CACNA1F: variants seen among roughly 807,000 people sequenced by gnomAD.
CACNA1F encodes voltage-dependent L-type calcium channel subunit alpha-1F.
In CACNA1F, 59 loss-of-function variants were observed where a neutral mutation model predicts 143.8. That is an observed-to-expected ratio of 0.41 (90% CI 0.33 to 0.51). The LOEUF is 0.51. Among genes scored for constraint, CACNA1F ranks in the 20% least tolerant of loss-of-function variants. CACNA1F has a pLI of 0.22. For synonymous variants in CACNA1F, 643 were observed against 649.1 expected (o/e 0.99, Z 0.14); for missense variants, 1,411 against 1,647.5 (o/e 0.86, Z 2.48).
rs1169062959 is a variant in CACNA1F at position 49,215,221 on chromosome X, G to A, written c.3462C>T (p.Leu1154=). Reference sequence around the variant, plus strand: ...TGTAACGGCGGAGTGGCTGGGCCTTGAGGGCATATTCCACACATTGACGCT... The same window carrying A: ...TGTAACGGCGGAGTGGCTGGGCCTTAAGGGCATATTCCACACATTGACGCT... The part of the protein sequence containing the change: ...KNQRQCVEYA[L]KAQPLRRYIP... The change falls in exon 29 of 48, where the codon CTC becomes CTT. Residue 1154 remains leucine (L), a synonymous_variant. Coordinates refer to ENST00000323022, the MANE Select transcript of CACNA1F (RefSeq NM_001256789.3). 1 of 1,210,859 alleles carries A rather than the reference G, an allele frequency of 8.3e-7. No individual in the cohort carries two copies. Among genetic ancestry groups the A allele is most frequent in the African/African-American group, 1.7e-5 (1 of 57,560 alleles).
intron 16 of CACNA1F, 52 bp from the exon 17 acceptor site, chrX:49,222,655 AC>A: frequency 8.3e-7 from 1 of 1,206,905 alleles, no homozygotes; most frequent in Non-Finnish European, 1.1e-6. Context: ...CCTATAGACC[AC>A]CCAGTTCCCC....
intron 7 of CACNA1F, 54 bp from the exon 8 acceptor site, chrX:49,228,193 G>A: frequency 8.4e-7 from 1 of 1,185,115 alleles, no homozygotes; most frequent in Non-Finnish European, 1.1e-6. Context: ...TCCTGCGTGA[G>A]TGTCAGGGAG....
In CACNA1F at chrX:49,224,903, A is replaced by C; in HGVS notation, c.1735T>G (p.Ser579Ala). The change falls in exon 14 of 48, where the codon TCT (serine) becomes GCT (alanine). Residue 579 changes from serine (S) to alanine (A), a missense_variant. Around this residue, in one of 3 missense-constraint regions of CACNA1F, gnomAD observed 950 missense variants for 1,128.1 expected, o/e 0.84. Coordinates refer to ENST00000323022, the MANE Select transcript of CACNA1F (RefSeq NM_001256789.3). ...LYGLGPSAYV[S>A]SFFNRFDCFV... ...CAGTCAAAGCGGTTGAAGAAGGAAG[A>C]CACATAGGCAGAGGGGCCCAGACCG... The C allele has an allele frequency of 1.7e-6, 2 of 1,207,824 alleles. No homozygotes were observed. The highest frequency in any genetic ancestry group is 2.2e-6 in the Non-Finnish European group (2 of 892,351).
chrX:49,225,800 G>A (rs969257915), intron 13 of CACNA1F, 109 bp downstream of exon 13: 2 of 561,654 alleles, frequency 3.6e-6, no homozygotes, highest in East Asian at 3.6e-5. Context: ...TTGGGTAGGG[G>A]GGAAGGCAGT....
intron 37 of CACNA1F, 77 bp from the exon 38 acceptor site, chrX:49,210,763 C>T: frequency 1.1e-6 from 1 of 893,203 alleles, no homozygotes; most frequent in Non-Finnish European, 1.6e-6. Context: ...CAGCTCATCA[C>T]TACCTCCTCC....
At position 49,218,493 on chromosome X, in the gene CACNA1F, G is replaced by T. The variant is rs868924441; in HGVS notation, c.2890C>A (p.Arg964=). The T allele has an allele frequency of 2.5e-6, 3 of 1,184,808 alleles. No individual in the cohort carries two copies. The highest frequency in any genetic ancestry group is 3.4e-6 in the Non-Finnish European group (3 of 882,414). The part of the protein sequence containing the change: ...VKILRVLRVL[R]PLRAINRAKG... Reference sequence around the variant, plus strand: ...GCCCTGTTGATGGCTCGGAGGGGCCGCAGTACTCGGAGTACTCGCAGAATC... The same window carrying T: ...GCCCTGTTGATGGCTCGGAGGGGCCTCAGTACTCGGAGTACTCGCAGAATC... The change falls in exon 24 of 48, where the codon CGG becomes AGG. Residue 964 remains arginine, a synonymous_variant. Coordinates refer to ENST00000323022, the MANE Select transcript of CACNA1F (RefSeq NM_001256789.3).
Position 49,224,754 on chromosome X carries a change from T to C in CACNA1F, c.1877+7A>G, listed in dbSNP as rs1557109444. On this transcript the variant is annotated splice_region_variant and intron_variant, in intron 14 of 47. Transcript: ENST00000323022. ...GGCCCTTGTCTTCCCCCTCCCCTAA[T>C]ACAAACCTGGTGACCTTAAAGATCC... 35 of 1,138,844 alleles carry C rather than the reference T, an allele frequency of 3.1e-5. No individual in the cohort carries two copies. The East Asian group carries it at 1.1e-3, about 36-fold the overall frequency. 93.9% of individuals were successfully genotyped at this position (1,138,844 alleles called of 1,213,427 possible).
At chrX:49,233,224 G>A (rs782737160) in intron 1 of CACNA1F, 61 bp downstream of exon 1, 25 of 1,174,553 alleles carry the variant, frequency 2.1e-5, no homozygotes, top group Non-Finnish European at 2.9e-5. Context: ...GTGGGCAATG[G>A]GTGGGTCAGA....
In CACNA1F at chrX:49,219,735, CTCTTCCTCTTCTTCCTCT is replaced by C. The variant is rs59355923; in HGVS notation, c.2424_2441del (p.Glu809_Glu814del). ...GCAGGAGTTCCACACCCCCTGCACC[CTCTTCCTCTTCTTCCTCT>C]TCTTCCTCTTCTTCCTCCTCCTCCT... On this transcript the variant is annotated inframe_deletion, in exon 20 of 48. Transcript: ENST00000323022. 1.7e-6 allele frequency: 2 copies of C among 1,177,691 alleles called. No individual in the cohort carries two copies. The highest frequency in any genetic ancestry group is 3.1e-5 in the East Asian group (1 of 32,545).
In CACNA1F at chrX:49,212,001, T is replaced by A. The variant is rs1413008696; in HGVS notation, c.4009-12A>T. 4.2e-6 allele frequency: 5 copies of A among 1,182,200 alleles called. No individual in the cohort carries two copies. The highest frequency in any genetic ancestry group is 5.7e-6 in the Non-Finnish European group (5 of 870,257). ...ACCTTGCCGAACATCTGTGGACACA[T>A]CAAGGCTGTGTCAGTGGGGTGAACC... On this transcript the variant is annotated splice_polypyrimidine_tract_variant and intron_variant, in intron 34 of 47. Transcript: ENST00000323022.
At chrX:49,219,203 G>A in intron 21 of CACNA1F, 118 bp downstream of exon 21, 3 of 788,373 alleles carry the variant, frequency 3.8e-6, no homozygotes, top group Admixed American at 5.3e-5. Flanking sequence ...GCGTTAATGA[G>A]CCCCTCTCTC....
intron 47 of CACNA1F, 102 bp downstream of exon 47, chrX:49,205,514 C>T (rs1026468396): frequency 2.4e-5 from 22 of 900,563 alleles, no homozygotes; most frequent in Middle Eastern, 5.5e-4. Context: ...GGGATATCTA[C>T]ATGCACAACA....
intron 31 of CACNA1F, 45 bp from the exon 32 acceptor site, chrX:49,213,039 G>A (rs782127919): frequency 5.0e-5 from 55 of 1,095,720 alleles, no homozygotes; most frequent in Non-Finnish European, 6.5e-5. Flanking sequence ...AGGAGATGAT[G>A]ACATCATAGG....
At chrX:49,218,369 G>A (rs1280078442) in intron 24 of CACNA1F, 86 bp downstream of exon 24, 17 of 741,199 alleles carry the variant, frequency 2.3e-5, no homozygotes, top group East Asian at 7.0e-5. Flanking sequence ...TCATGCATCC[G>A]TGCAAATGGT....
intron 17 of CACNA1F, 77 bp from the exon 18 acceptor site, chrX:49,221,157 T>A: frequency 2.2e-6 from 2 of 889,282 alleles, no homozygotes; most frequent in Non-Finnish European, 3.3e-6. Context: ...CTTTCTTGGG[T>A]CCCATAGAAC....
At position 49,205,251 on chromosome X, in the gene CACNA1F, G is replaced by A. The variant is rs1378051610; in HGVS notation, c.5787C>T (p.Ala1929=). 7 of 1,207,148 alleles carry A rather than the reference G, an allele frequency of 5.8e-6. No homozygotes were observed. Among genetic ancestry groups the A allele is most frequent in the African/African-American group, 1.8e-5 (1 of 56,894 alleles). Residue 1929 remains alanine, a synonymous_variant, in exon 48 of 48, where the codon GCC becomes GCT. Transcript: ENST00000323022. ...RLTLDEMDNA[A]SDLLAQGTSS... ...TGGTTCCCTGTGCCAGCAGGTCACT[G>A]GCAGCATTGTCCATCTCATCCAGCG...
chrX:49,230,159 C>T, intron 6 of CACNA1F, 61 bp downstream of exon 6: 1 of 1,044,762 alleles, frequency 9.6e-7, no homozygotes, highest in Non-Finnish European at 1.3e-6. Context: ...CTGAGTGCAG[C>T]ATTGGATCTA....
intron 29 of CACNA1F, 71 bp from the exon 30 acceptor site, chrX:49,214,340 G>C (rs1198202112): frequency 9.2e-6 from 6 of 650,897 alleles, no homozygotes; most frequent in Non-Finnish European, 1.5e-5. Context: ...AATATTCCCT[G>C]GCCTGGGCTG....
chrX:49,219,770 C>T lies in CACNA1F; in HGVS notation c.2407G>A (p.Glu803Lys), dbSNP rs1602641677. The T allele has an allele frequency of 1.8e-6, 2 of 1,096,168 alleles. No homozygotes were observed. Among genetic ancestry groups the T allele is most frequent in the Admixed American group, 2.5e-5 (1 of 39,503 alleles). The allele number at this position is 1,096,168 out of a possible 1,213,427, so 90.3% of individuals were successfully genotyped here. The change falls in exon 20 of 48, where the codon GAG (glutamate) becomes AAG (lysine). Residue 803 changes from glutamate to lysine, a missense_variant. Transcript: ENST00000323022. ...EGADMEEEEEEEEEEEEEEEE... is the reference protein window; with the variant it reads ...EGADMEEEEEKEEEEEEEEEE... ...TCTTCCTCTTCTTCCTCTTCTTCCT[C>T]CTCCTCCTCCTCCTCCATGTCTGGC...
Sources: allele counts gnomAD v4.1 joint callset, GRCh38; gene constraint gnomAD v4.1.1; regional missense constraint gnomAD v4.1.1; transcripts MANE v1.5; gene names NCBI Gene and HGNC (gene_info 2026-07-23, HGNC 2026-07-21).